SLC9A9: variants seen among roughly 807,000 people sequenced by gnomAD.
SLC9A9 encodes solute carrier family 9 member A9, also known as sodium/hydrogen exchanger 9.
SLC9A9 carries 62 observed loss-of-function variants against 77.8 expected under a neutral mutation model. The observed-to-expected ratio is 0.80, with a 90% CI of 0.65 to 0.98. The LOEUF (loss-of-function observed/expected upper bound fraction) is 0.98, where lower values mean the gene tolerates loss of function less well. Among genes scored for constraint, SLC9A9 ranks in the 50% least tolerant of loss-of-function variants. The pLI, the probability that SLC9A9 is intolerant of heterozygous loss-of-function variation, is 0.00. For missense variants in SLC9A9, 775 were observed against 774.9 expected (o/e 1.00, Z 0.00); for synonymous variants, 320 against 283.5 (o/e 1.13, Z -1.29).
chr3:143,273,545 C>T, intron 14 of SLC9A9, among the ~76,000 whole-genome samples: 1 of 152,290 alleles, frequency 6.6e-6, no homozygotes, highest in Non-Finnish European at 1.5e-5. Context: ...TTCTTCCAGC[C>T]TCCAAAACTG....
At chr3:143,342,318 G>A (rs1017490191) in intron 14 of SLC9A9, 5 of 152,206 alleles carry the variant, frequency 3.3e-5, no homozygotes, top group Non-Finnish European at 7.3e-5. Context: ...TAAGTAGCTA[G>A]GATTACAAGG....
chr3:143,555,993 C>A (rs913239294), intron 8 of SLC9A9, among the ~76,000 whole-genome samples: 7 of 152,172 alleles, frequency 4.6e-5, no homozygotes, highest in Non-Finnish European at 1.0e-4. Context: ...TTAAATCACA[C>A]AAATTACTGT....
intron 9 of SLC9A9, among the ~76,000 whole-genome samples, chr3:143,514,579 T>A (rs1308354195): frequency 1.3e-5 from 2 of 152,242 alleles, no homozygotes; most frequent in East Asian, 3.8e-4. Context: ...AGCTAGATCC[T>A]CTGGATAACT....
intron 4 of SLC9A9, among the ~76,000 whole-genome samples, chr3:143,709,120 A>T (rs750505855): frequency 6.6e-5 from 10 of 152,180 alleles, no homozygotes; most frequent in Non-Finnish European, 1.3e-4. Flanking sequence ...GTGGGCGGCA[A>T]AAGTTGGGTA....
Position 143,594,759 on chromosome 3 carries a change from G to GA in SLC9A9, c.756-16037dup, listed in dbSNP as rs11330385. On this transcript the variant is annotated intron_variant, in intron 6 of 15. Transcript: ENST00000316549. Reference sequence around the variant, plus strand: ...TGGCTCTTTATTTAATATTAAACCAGAAAAAAAAAATGTGGCCCCAAGGGC... The same window carrying GA: ...TGGCTCTTTATTTAATATTAAACCAGAAAAAAAAAAATGTGGCCCCAAGGGC... 7.3e-3 allele frequency among the ~76,000 whole-genome samples: 1,088 copies of GA among 148,786 alleles called. 14 individuals are homozygous for GA. The highest frequency in any genetic ancestry group is 0.023 in the African/African-American group (934 of 40,888).
At chr3:143,312,126 C>A (rs2031039345) in intron 14 of SLC9A9, among the ~76,000 whole-genome samples, 1 of 152,256 alleles carries the variant, frequency 6.6e-6, no homozygotes. Flanking sequence ...TAATCAGTTG[C>A]CCTCTCACAC....
intron 14 of SLC9A9, among the ~76,000 whole-genome samples, chr3:143,279,026 C>G (rs1938134460): frequency 1.4e-5 from 2 of 147,108 alleles, no homozygotes; most frequent in African/African-American, 5.4e-5. Flanking sequence ...ACATAATAAG[C>G]ATTCTATAAA....
intron 5 of SLC9A9, among the ~76,000 whole-genome samples, chr3:143,673,343 T>C (rs1041415716): frequency 9.2e-5 from 14 of 152,268 alleles, no homozygotes; most frequent in African/African-American, 2.9e-4. Flanking sequence ...TCTGTGTCCA[T>C]GCACTCAGTG....
intron 2 of SLC9A9, among the ~76,000 whole-genome samples, chr3:143,804,451 C>G (rs1303311805): frequency 6.6e-6 from 1 of 152,154 alleles, no homozygotes; most frequent in Non-Finnish European, 1.5e-5. Flanking sequence ...CCATCAGTCC[C>G]CATTACAACC....
intron 12 of SLC9A9, among the ~76,000 whole-genome samples, chr3:143,391,144 A>G (rs1003736680): frequency 3.9e-5 from 6 of 152,230 alleles, no homozygotes; most frequent in African/African-American, 4.8e-5. Flanking sequence ...GAACAGACAG[A>G]TATGCCTCCT....
intron 6 of SLC9A9, among the ~76,000 whole-genome samples, chr3:143,645,946 T>C (rs1234559957): frequency 6.6e-6 from 1 of 152,134 alleles, no homozygotes; most frequent in African/African-American, 2.4e-5. Context: ...AATTATTTTA[T>C]GAGTAGGTTT....
intron 12 of SLC9A9, among the ~76,000 whole-genome samples, chr3:143,406,431 G>A (rs1576476200): frequency 6.6e-6 from 1 of 151,372 alleles, no homozygotes; most frequent in African/African-American, 2.4e-5. Flanking sequence ...AAGGTGGAGT[G>A]CAATGGCGCG....
intron 6 of SLC9A9, among the ~76,000 whole-genome samples, chr3:143,598,141 A>G (rs1010410544): frequency 6.6e-6 from 1 of 152,044 alleles, no homozygotes; most frequent in African/African-American, 2.4e-5. Flanking sequence ...TAGTGGGTAA[A>G]ATCCAGTATA....
At chr3:143,644,532 A>C (rs950659453) in intron 6 of SLC9A9, among the ~76,000 whole-genome samples, 2 of 152,228 alleles carry the variant, frequency 1.3e-5, no homozygotes, top group African/African-American at 2.4e-5. Context: ...ACCAGGGAAC[A>C]GGAATGAGAG....
chr3:143,847,937 T>C (rs1427844320), intron 1 of SLC9A9: 10 of 607,656 alleles, frequency 1.6e-5, no homozygotes, highest in Non-Finnish European at 2.9e-5. Flanking sequence ...TGTGAGAACA[T>C]GACTGTGACA....
intron 4 of SLC9A9, among the ~76,000 whole-genome samples, chr3:143,781,375 G>A (rs1224252285): frequency 1.2e-4 from 19 of 152,154 alleles, no homozygotes; most frequent in Admixed American, 1.2e-3. Flanking sequence ...GGAGTTAGGG[G>A]AGTAAATGAA....
chr3:143,606,430 C>CTATATATATATATA (rs745429920), intron 6 of SLC9A9, among the ~76,000 whole-genome samples: 67 of 63,300 alleles, frequency 1.1e-3, no homozygotes, highest in Non-Finnish European at 1.6e-3. Context: ...CTCTCTCTCT[C>CTATATATATATATA]TCTCTCTATA....
At chr3:143,561,111 G>A (rs1576577879) in intron 8 of SLC9A9, among the ~76,000 whole-genome samples, 1 of 152,198 alleles carries the variant, frequency 6.6e-6, no homozygotes, top group Non-Finnish European at 1.5e-5. Flanking sequence ...AACCCGGGAG[G>A]TGCAAGTTGC....
chr3:143,323,086 G>A (rs2108447514), intron 14 of SLC9A9, among the ~76,000 whole-genome samples: 1 of 152,268 alleles, frequency 6.6e-6, no homozygotes, highest in South Asian at 2.1e-4. Context: ...AACAAATGTT[G>A]GTGAGGATTT....
Sources: allele counts gnomAD v4.1 joint callset (sites outside exome capture counted in the v4.1 genomes callset), GRCh38; gene constraint gnomAD v4.1.1; transcripts MANE v1.5; gene names NCBI Gene and HGNC (gene_info 2026-07-23, HGNC 2026-07-21).